GNA12: variants seen among roughly 807,000 people sequenced by gnomAD.
The protein encoded by GNA12 is guanine nucleotide-binding protein subunit alpha-12.
Under a neutral mutation model 26.0 loss-of-function variants are expected in GNA12, and 9 were observed. The ratio of observed to expected loss-of-function variants is 0.35; its 90% CI spans 0.21 to 0.60. The LOEUF is 0.60. Among genes scored for constraint, GNA12 ranks in the 20% least tolerant of loss-of-function variants. GNA12 has a pLI of 0.78. For missense variants in GNA12, 405 were observed against 525.8 expected (o/e 0.77, Z 2.25); for synonymous variants, 264 against 219.6 (o/e 1.20, Z -1.79).
At chr7:2,744,526 C>T (rs1790672356) in intron 2 of GNA12, among the ~76,000 whole-genome samples, 1 of 151,998 alleles carries the variant, frequency 6.6e-6, no homozygotes, top group Non-Finnish European at 1.5e-5. Flanking sequence ...TGTACGTCAC[C>T]ATCATCAAAG....
chr7:2,816,885 G>A (rs909015662), intron 1 of GNA12, among the ~76,000 whole-genome samples: 37 of 152,152 alleles, frequency 2.4e-4, no homozygotes, highest in African/African-American at 8.0e-4. Flanking sequence ...AATGCACTCC[G>A]GTGACTTCTT....
intron 1 of GNA12, chr7:2,835,798 G>A: frequency 1.5e-6 from 1 of 679,236 alleles, no homozygotes; most frequent in Non-Finnish European, 2.8e-6. Flanking sequence ...TACCATGCTT[G>A]CAGATGCTGA....
chr7:2,751,324 G>A (rs968290565), intron 2 of GNA12, among the ~76,000 whole-genome samples: 2 of 151,114 alleles, frequency 1.3e-5, no homozygotes, highest in South Asian at 4.2e-4. Flanking sequence ...CCAGAAGGCC[G>A]AGGCTGCAGT....
intron 2 of GNA12, among the ~76,000 whole-genome samples, chr7:2,765,881 C>CT (rs398110973): frequency 6.6e-6 from 1 of 150,792 alleles, no homozygotes; most frequent in Non-Finnish European, 1.5e-5. Context: ...CAGGGCCCCC[C>CT]TCCCCTCCCC....
At chr7:2,798,073 C>T (rs1792721748) in intron 1 of GNA12, among the ~76,000 whole-genome samples, 1 of 152,176 alleles carries the variant, frequency 6.6e-6, no homozygotes, top group Admixed American at 6.5e-5. Context: ...TTCCCTCCAA[C>T]ACTAGGAAAA....
chr7:2,798,307 C>A (rs956461855), intron 1 of GNA12, among the ~76,000 whole-genome samples: 1 of 152,006 alleles, frequency 6.6e-6, no homozygotes, highest in Admixed American at 6.5e-5. Context: ...CAAAAAAACT[C>A]CTAGAATAAA....
chr7:2,836,233 G>A (rs1778833978), intron 1 of GNA12, among the ~76,000 whole-genome samples: 1 of 152,200 alleles, frequency 6.6e-6, no homozygotes, highest in Admixed American at 6.5e-5. Flanking sequence ...AGGCACAACT[G>A]TGATCAAGAT....
chr7:2,823,721 A>G (rs1793420172), intron 1 of GNA12, among the ~76,000 whole-genome samples: 1 of 152,234 alleles, frequency 6.6e-6, no homozygotes, highest in African/African-American at 2.4e-5. Context: ...AAAAATTAAA[A>G]AAGCATGTTG....
rs538933760 is a variant in GNA12 at position 2,729,912 on chromosome 7, C to T, written c.*1269G>A. On this transcript the variant is annotated 3_prime_UTR_variant, in exon 4 of 4. Coordinates refer to ENST00000275364, the MANE Select transcript of GNA12 (RefSeq NM_007353.3). ...GAGCTGGGCCCAGGACTGGCCAGCT[C>T]GTATCAACATTCACAGGCTCCCGCG... The T allele has an allele frequency of 5.9e-5, 9 of 152,490 alleles. No individual in the cohort carries two copies. The highest frequency in any genetic ancestry group is 2.1e-4 in the South Asian group (1 of 4,828). The allele number at this position is 152,490 out of a possible 1,614,324, so 9.4% of individuals were successfully genotyped here.
At chr7:2,835,828 C>G (rs1778821729) in intron 1 of GNA12, 2 of 643,412 alleles carry the variant, frequency 3.1e-6, no homozygotes, top group African/African-American at 3.6e-5. Flanking sequence ...GATGCCTTAT[C>G]AAATCGGTGA....
intron 2 of GNA12, among the ~76,000 whole-genome samples, chr7:2,778,294 G>A (rs189323395): frequency 6.6e-6 from 1 of 152,332 alleles, no homozygotes; most frequent in Admixed American, 6.5e-5. Flanking sequence ...CCTCTCCTAA[G>A]AACAGCCAGA....
chr7:2,801,512 G>T (rs1384796135), intron 1 of GNA12, among the ~76,000 whole-genome samples: 2 of 152,042 alleles, frequency 1.3e-5, no homozygotes, highest in Non-Finnish European at 2.9e-5. Context: ...TATTCCCACC[G>T]CACAATCCGC....
chr7:2,747,794 T>C (rs1049061914), intron 2 of GNA12, among the ~76,000 whole-genome samples: 2 of 152,142 alleles, frequency 1.3e-5, no homozygotes, highest in South Asian at 4.1e-4. Context: ...CAGCCCAAAA[T>C]CTCCTTAAGC....
intron 2 of GNA12, chr7:2,760,207 C>T (rs528844893): frequency 6.6e-6 from 1 of 152,420 alleles, no homozygotes; most frequent in East Asian, 1.9e-4. Flanking sequence ...TGAAGACACA[C>T]CCAACGCGTG....
intron 1 of GNA12, among the ~76,000 whole-genome samples, chr7:2,822,909 C>T (rs1438385410): frequency 6.6e-6 from 1 of 152,148 alleles, no homozygotes. Flanking sequence ...GCTCAGCCCC[C>T]TCCTAGATGT....
intron 2 of GNA12, among the ~76,000 whole-genome samples, chr7:2,751,382 C>A (rs1449084401): frequency 6.9e-6 from 1 of 145,054 alleles, no homozygotes; most frequent in Admixed American, 7.0e-5. Context: ...CAGAGCAAGA[C>A]CGTTTCAAAG....
At chr7:2,796,339 T>G (rs1349028347) in intron 1 of GNA12, among the ~76,000 whole-genome samples, 2 of 152,012 alleles carry the variant, frequency 1.3e-5, no homozygotes, top group African/African-American at 4.8e-5. Flanking sequence ...GTCATGAAAG[T>G]TAAGTAAATA....
chr7:2,774,806 C>T (rs775891614), intron 2 of GNA12, among the ~76,000 whole-genome samples: 32 of 152,214 alleles, frequency 2.1e-4, no homozygotes, highest in Admixed American at 6.5e-4. Context: ...TTTTTCCCCC[C>T]TTTTAAACAC....
At chr7:2,743,807 T>C (rs915524732) in intron 2 of GNA12, among the ~76,000 whole-genome samples, 3 of 151,706 alleles carry the variant, frequency 2.0e-5, no homozygotes, top group Non-Finnish European at 4.4e-5. Flanking sequence ...ACCTGGAAAA[T>C]TGGGTCACTC....
Sources: gnomAD v4.1 joint callset for allele counts (sites outside exome capture counted in the v4.1 genomes callset) on GRCh38, gnomAD v4.1.1 for gene constraint, MANE v1.5 for transcripts, NCBI Gene and HGNC (gene_info 2026-07-23, HGNC 2026-07-21) for gene names.